PLXNA4: variants seen among roughly 807,000 people sequenced by gnomAD.
PLXNA4 encodes the protein plexin-A4.
Under a neutral mutation model 191.8 loss-of-function variants are expected in PLXNA4, and 44 were observed. That is an observed-to-expected ratio of 0.23 (90% CI 0.18 to 0.29). PLXNA4 has a LOEUF of 0.29. Ranked by LOEUF, PLXNA4 falls within the 10% of genes least tolerant of loss-of-function variation. The pLI, the probability that PLXNA4 is intolerant of heterozygous loss-of-function variation, is 1.00. For missense variants in PLXNA4, 1,800 were observed against 2,488.8 expected (o/e 0.72, Z 5.89); for synonymous variants, 1,082 against 1,009.5 (o/e 1.07, Z -1.36).
Position 132,123,689 on chromosome 7 carries a change from A to T in PLXNA4, c.*6790T>A, listed in dbSNP as rs939193021. On this transcript the variant is annotated 3_prime_UTR_variant, in exon 32 of 32. Transcript: ENST00000321063. ...TTTGCTTTGTTCTAACAAAGGGTCA[A>T]TGTTCGAGGTGGGAGCTTTAGTTTG... 3.9e-5 allele frequency: 6 copies of T among 152,198 alleles called. No individual in the cohort carries two copies. Among genetic ancestry groups the T allele is most frequent in the African/African-American group, 1.2e-4 (5 of 41,438 alleles). The allele number at this position is 152,198 out of a possible 1,614,324, so 9.4% of individuals were successfully genotyped here. A position where few individuals can be genotyped will look rare whatever the true frequency, so the allele number is the denominator to read the frequency against.
intron 3 of PLXNA4, among the ~76,000 whole-genome samples, chr7:132,322,782 A>G (rs926415662): frequency 1.3e-5 from 2 of 152,180 alleles, no homozygotes; most frequent in Non-Finnish European, 2.9e-5. Flanking sequence ...TTAGGAGATC[A>G]TTGGGTCACT....
At chr7:132,244,358 T>G (rs1185077635) in intron 4 of PLXNA4, among the ~76,000 whole-genome samples, 1 of 152,256 alleles carries the variant, frequency 6.6e-6, no homozygotes, top group Non-Finnish European at 1.5e-5. Flanking sequence ...GCACCAGGTC[T>G]ACCTTCAAGA....
intron 3 of PLXNA4, among the ~76,000 whole-genome samples, chr7:132,423,233 T>C (rs1028091602): frequency 2.0e-5 from 3 of 152,236 alleles, no homozygotes; most frequent in Non-Finnish European, 4.4e-5. Flanking sequence ...ATCTTTCACT[T>C]TTACATCAAT....
At chr7:132,365,358 T>TGTGC (rs1554424501) in intron 3 of PLXNA4, among the ~76,000 whole-genome samples, 6 of 133,594 alleles carry the variant, frequency 4.5e-5, no homozygotes, top group Non-Finnish European at 9.1e-5. Flanking sequence ...TGTGTGTGTG[T>TGTGC]GTGCGTGCGC....
intron 3 of PLXNA4, among the ~76,000 whole-genome samples, chr7:132,304,654 C>A (rs1387504750): frequency 6.6e-6 from 1 of 152,192 alleles, no homozygotes; most frequent in African/African-American, 2.4e-5. Context: ...TTGGACAGCA[C>A]AATTCTAGAC....
chr7:132,618,267 T>C (rs577677841), intron 2 of PLXNA4, among the ~76,000 whole-genome samples: 50 of 152,218 alleles, frequency 3.3e-4, no homozygotes, highest in Non-Finnish European at 5.7e-4. Context: ...AAGCTTTTCC[T>C]CCTACCTCAC....
intron 13 of PLXNA4, among the ~76,000 whole-genome samples, chr7:132,196,896 C>T (rs958055860): frequency 4.6e-5 from 7 of 152,148 alleles, no homozygotes; most frequent in African/African-American, 2.4e-5. Context: ...TACGTTCATG[C>T]TCTTTGATCA....
Position 132,632,826 on chromosome 7 carries a change from T to G in PLXNA4, c.-87+13102A>C, listed in dbSNP as rs561470496. Among the ~76,000 whole-genome samples the G allele has an allele frequency of 3.3e-5, 5 of 152,252 alleles. No individual in the cohort carries two copies. The South Asian group carries it at 1.0e-3, about 32-fold the overall frequency. ...ATGAAAAATAGGACAGCCTCAACAT[T>G]TTCCCCATTTTGCTGAAGACCAGTG... is the stretch of plus-strand genomic sequence containing the variant. On this transcript the variant is annotated intron_variant, in intron 2 of 4. Transcript: ENST00000378539.
At chr7:132,516,295 TA>T (rs1798937249) in intron 1 of PLXNA4, among the ~76,000 whole-genome samples, 2 of 152,214 alleles carry the variant, frequency 1.3e-5, no homozygotes, top group Admixed American at 1.3e-4. Context: ...TTTTAATTTT[TA>T]TTAGGACATG....
At chr7:132,639,072 T>C (rs1376156700) in intron 2 of PLXNA4, among the ~76,000 whole-genome samples, 1 of 152,068 alleles carries the variant, frequency 6.6e-6, no homozygotes, top group Non-Finnish European at 1.5e-5. Context: ...AGCATCTGGG[T>C]TATATCAAAG....
chr7:132,522,810 G>C (rs1799243397), intron 1 of PLXNA4, among the ~76,000 whole-genome samples: 1 of 152,138 alleles, frequency 6.6e-6, no homozygotes, highest in African/African-American at 2.4e-5. Flanking sequence ...CCACTCACCA[G>C]AGTCATCACT....
chr7:132,319,230 T>C (rs1802069201), intron 3 of PLXNA4, among the ~76,000 whole-genome samples: 1 of 152,138 alleles, frequency 6.6e-6, no homozygotes, highest in African/African-American at 2.4e-5. Flanking sequence ...CTGCAGAGCT[T>C]GTGAAAATGC....
chr7:132,550,808 TGGGAC>T (rs1181709963), intron 1 of PLXNA4, among the ~76,000 whole-genome samples: 2 of 1,262 alleles, frequency 1.6e-3, no homozygotes, highest in Non-Finnish European at 3.1e-3. Flanking sequence ...TCATCCAATT[TGGGAC>T]TTATTGCAGT....
At chr7:132,566,096 T>A (rs1158666538) in intron 1 of PLXNA4, among the ~76,000 whole-genome samples, 1 of 152,208 alleles carries the variant, frequency 6.6e-6, no homozygotes, top group Non-Finnish European at 1.5e-5. Context: ...GCTTTATGAA[T>A]GGGCGTCAGG....
intron 3 of PLXNA4, among the ~76,000 whole-genome samples, chr7:132,305,481 C>A (rs552269045): frequency 2.7e-4 from 41 of 152,172 alleles, no homozygotes; most frequent in African/African-American, 9.9e-4. Context: ...AGGCAGCCAG[C>A]CCCTTTCCTC....
intron 3 of PLXNA4, among the ~76,000 whole-genome samples, chr7:132,473,411 A>C (rs1357522667): frequency 6.6e-6 from 1 of 152,214 alleles, no homozygotes; most frequent in Non-Finnish European, 1.5e-5. Flanking sequence ...CAGTGGCGGC[A>C]GGTCCTTTGC....
chr7:132,549,991 G>T (rs1800486939), intron 1 of PLXNA4, among the ~76,000 whole-genome samples: 1 of 152,212 alleles, frequency 6.6e-6, no homozygotes, highest in Admixed American at 6.5e-5. Context: ...AGAAGGTGGA[G>T]GCTGAGCCCA....
At chr7:132,202,951 A>T (rs1797489927) in intron 11 of PLXNA4, 115 bp from the exon 12 acceptor site, 1 of 1,137,634 alleles carries the variant, frequency 8.8e-7, no homozygotes, top group Non-Finnish European at 1.2e-6. Flanking sequence ...GCACAAAGGC[A>T]GTTTTGCCCC....
At chr7:132,512,659 G>C (rs1221983197) in intron 1 of PLXNA4, among the ~76,000 whole-genome samples, 1 of 152,158 alleles carries the variant, frequency 6.6e-6, no homozygotes, top group African/African-American at 2.4e-5. Flanking sequence ...AACCACCACA[G>C]AGGTGACACC....
Sources: allele counts gnomAD v4.1 joint callset (sites outside exome capture counted in the v4.1 genomes callset), GRCh38; gene constraint gnomAD v4.1.1; transcripts MANE v1.5; gene names NCBI Gene and HGNC (gene_info 2026-07-23, HGNC 2026-07-21).